Variants in NTM observed in about 807,000 individuals in gnomAD.
NTM encodes neurotrimin, also known as IgLON family member 2.
A neutral mutation model predicts 42.1 loss-of-function variants in NTM; 13 were observed. That is an observed-to-expected ratio of 0.31 (90% CI 0.20 to 0.49). NTM has a LOEUF of 0.49. Among genes scored for constraint, NTM ranks in the 20% least tolerant of loss-of-function variants. NTM has a pLI of 0.99. For missense variants in NTM, 373 were observed against 452.8 expected (o/e 0.82, Z 1.60); for synonymous variants, 187 against 179.2 (o/e 1.04, Z -0.35).
intron 2 of NTM, among the ~76,000 whole-genome samples, chr11:132,054,572 T>C (rs566445855): frequency 6.6e-6 from 1 of 152,212 alleles, no homozygotes; most frequent in Non-Finnish European, 1.5e-5. Flanking sequence ...CAGAGTTAGC[T>C]CTCAATGAGT....
chr11:132,200,209 G>A (rs556514955), intron 3 of NTM, among the ~76,000 whole-genome samples: 52 of 152,322 alleles, frequency 3.4e-4, no homozygotes, highest in Admixed American at 1.2e-3. Flanking sequence ...TCCTTTGACA[G>A]CAGTGGGACC....
chr11:131,524,859 T>C (rs2050236875), intron 1 of NTM, among the ~76,000 whole-genome samples: 1 of 152,154 alleles, frequency 6.6e-6, no homozygotes, highest in African/African-American at 2.4e-5. Context: ...ACCTAACTCT[T>C]TGGGCCCTTG....
chr11:131,733,522 T>C (rs369011025), intron 1 of NTM, among the ~76,000 whole-genome samples: 2,677 of 118,138 alleles, frequency 0.023, 49 homozygotes, highest in African/African-American at 0.069. Flanking sequence ...TTCCTTCCTT[T>C]CTTTCTTTCT....
intron 4 of NTM, among the ~76,000 whole-genome samples, chr11:132,248,168 G>C (rs1011676265): frequency 6.6e-6 from 1 of 152,170 alleles, no homozygotes; most frequent in Admixed American, 6.5e-5. Flanking sequence ...TTTCGCCAGT[G>C]TCCCATTCTC....
intron 3 of NTM, among the ~76,000 whole-genome samples, chr11:132,209,566 ATATCT>A (rs1302730213): frequency 1.2e-4 from 18 of 152,228 alleles, no homozygotes; most frequent in Admixed American, 9.2e-4. Context: ...ATCTTTTCAA[ATATCT>A]TATATTAATG....
chr11:131,518,335 C>T (rs1165550654), intron 1 of NTM, among the ~76,000 whole-genome samples: 1 of 152,218 alleles, frequency 6.6e-6, no homozygotes, highest in Non-Finnish European at 1.5e-5. Flanking sequence ...CCCTCTAAGT[C>T]TCCTTGCTGT....
chr11:131,496,772 C>T (rs1955388471), intron 1 of NTM, among the ~76,000 whole-genome samples: 1 of 152,192 alleles, frequency 6.6e-6, no homozygotes, highest in Non-Finnish European at 1.5e-5. Context: ...CTGGCCCAGA[C>T]AGCACCTCCT....
intron 2 of NTM, among the ~76,000 whole-genome samples, chr11:132,074,821 T>C (rs2058154046): frequency 1.3e-5 from 2 of 152,204 alleles, no homozygotes; most frequent in East Asian, 1.9e-4. Flanking sequence ...TAATACAGTA[T>C]GTAGTTTCAG....
chr11:131,623,206 C>A (rs1006257544), intron 1 of NTM, among the ~76,000 whole-genome samples: 2 of 152,180 alleles, frequency 1.3e-5, no homozygotes, highest in Admixed American at 6.5e-5. Context: ...ACTTTTGATT[C>A]TCTTGTGTGA....
chr11:132,281,668 C>T (rs984377931), intron 4 of NTM, among the ~76,000 whole-genome samples: 5 of 152,282 alleles, frequency 3.3e-5, no homozygotes, highest in Non-Finnish European at 5.9e-5. Flanking sequence ...ATATGTGCAG[C>T]CCAAAGCATG....
intron 1 of NTM, among the ~76,000 whole-genome samples, chr11:131,655,371 C>T (rs1001160340): frequency 3.3e-5 from 5 of 152,220 alleles, no homozygotes; most frequent in African/African-American, 1.2e-4. Context: ...GCTCCATCAT[C>T]CGGGAGAAGA....
intron 3 of NTM, among the ~76,000 whole-genome samples, chr11:132,201,508 C>T (rs974876933): frequency 1.3e-5 from 2 of 152,096 alleles, no homozygotes; most frequent in East Asian, 1.9e-4. Context: ...AAGGCTATGG[C>T]GGTTGGGAAC....
chr11:131,465,574 T>G (rs1951805088), intron 1 of NTM, among the ~76,000 whole-genome samples: 1 of 152,198 alleles, frequency 6.6e-6, no homozygotes, highest in Non-Finnish European at 1.5e-5. Flanking sequence ...CCCTGAGGCC[T>G]AAGCCCCTGG....
intron 2 of NTM, among the ~76,000 whole-genome samples, chr11:132,055,623 G>T (rs2079519185): frequency 6.6e-6 from 1 of 150,946 alleles, no homozygotes; most frequent in Non-Finnish European, 1.5e-5. Flanking sequence ...AAGCAAAGAG[G>T]TGTGTGTGCG....
intron 1 of NTM, among the ~76,000 whole-genome samples, chr11:131,776,029 C>G (rs967934225): frequency 6.6e-6 from 1 of 152,190 alleles, no homozygotes; most frequent in African/African-American, 2.4e-5. Context: ...ACTGTGGGGC[C>G]TGCTTTATTT....
intron 1 of NTM, among the ~76,000 whole-genome samples, chr11:131,481,865 T>A (rs1953636236): frequency 6.6e-6 from 1 of 152,212 alleles, no homozygotes; most frequent in African/African-American, 2.4e-5. Context: ...ACAGGCCTGT[T>A]ATAGAAGACA....
chr11:131,573,030 G>A (rs1443984049), intron 1 of NTM, among the ~76,000 whole-genome samples: 1 of 152,176 alleles, frequency 6.6e-6, no homozygotes, highest in East Asian at 1.9e-4. Flanking sequence ...GATCTCAGTG[G>A]AGCTGAGCAG....
intron 1 of NTM, among the ~76,000 whole-genome samples, chr11:131,586,937 A>G (rs2058918792): frequency 6.6e-6 from 1 of 152,140 alleles, no homozygotes; most frequent in Non-Finnish European, 1.5e-5. Context: ...GTATCAGGCA[A>G]TCTACTATAT....
rs71475786 is a variant in NTM at position 132,039,415 on chromosome 11, ATTT to A, written c.168-106847_168-106845del. Reference sequence around the variant, plus strand: ...GTCTGTGCTAGGAAGGCCCCTCATAATTTTTTTTTTTTTTTTTTTTTTAGAAAG... The same window carrying A: ...GTCTGTGCTAGGAAGGCCCCTCATAATTTTTTTTTTTTTTTTTTTAGAAAG... On this transcript the variant is annotated intron_variant, in intron 2 of 8. Transcript: ENST00000683400. Among the ~76,000 whole-genome samples the A allele has an allele frequency of 7.6e-4, 101 of 133,208 alleles. 1 individual carries two copies. The highest frequency in any genetic ancestry group is 8.8e-4 in the Non-Finnish European group (55 of 62,264). 87.4% of individuals were successfully genotyped at this position (133,208 alleles called of 152,430 possible).
Sources: allele counts gnomAD v4.1 joint callset (sites outside exome capture counted in the v4.1 genomes callset), GRCh38; gene constraint gnomAD v4.1.1; transcripts MANE v1.5; gene names NCBI Gene and HGNC (gene_info 2026-07-23, HGNC 2026-07-21).